The following SPATA13 variants were observed in gnomAD, a reference collection of about 807,000 sequenced individuals.
SPATA13 encodes spermatogenesis associated 13, also known as spermatogenesis-associated protein 13.
Under a neutral mutation model 104.0 loss-of-function variants are expected in SPATA13, and 50 were observed. The observed-to-expected ratio is 0.48, with a 90% CI of 0.38 to 0.61. The LOEUF is 0.61. Among genes scored for constraint, SPATA13 ranks in the 20% least tolerant of loss-of-function variants. SPATA13 has a pLI of 0.00. For missense variants in SPATA13, 1,524 were observed against 1,690.6 expected, an observed-to-expected ratio of 0.90 and a Z score of 1.73; for synonymous variants, 606 against 667.5, an observed-to-expected ratio of 0.91 and a Z score of 1.42.
Position 24,302,618 on chromosome 13 carries a change from G to A in SPATA13, c.3679G>A (p.Ala1227Thr). Residue 1227 changes from alanine to threonine, a missense_variant, in exon 13 of 13, where the codon GCC becomes ACC. By Grantham distance (58) the Ala-to-Thr change is moderately conservative. This residue lies in a region of SPATA13 where 435 missense variants were observed against 554.8 expected (regional missense o/e 0.78). Coordinates refer to ENST00000382108, the MANE Select transcript of SPATA13 (RefSeq NM_001166271.3). ...GTCAGGCTACAACAGGTGCCCTGTG[G>A]CCCCACCGCACCAGGGCCTGCACCC... ...KSKGYNRCPV[A>T]PPHQGLHPIH... is the part of the protein sequence containing the mutation. The A allele has an allele frequency of 6.2e-7, 1 of 1,610,222 alleles. No individual in the cohort carries two copies. Among genetic ancestry groups the A allele is most frequent in the Non-Finnish European group, 8.5e-7 (1 of 1,177,664 alleles).
intron 4 of SPATA13, among the ~76,000 whole-genome samples, chr13:24,266,472 A>T (rs1874301098): frequency 6.6e-6 from 1 of 151,918 alleles, no homozygotes; most frequent in Non-Finnish European, 1.5e-5. Context: ...TTTTGTAGAG[A>T]TGGGGTCTGC....
chr13:24,146,144 C>T (rs1440345967), intron 3 of SPATA13, among the ~76,000 whole-genome samples: 2 of 152,222 alleles, frequency 1.3e-5, no homozygotes, highest in East Asian at 3.8e-4. Context: ...GTATTTTAGG[C>T]AGCACCTATC....
At chr13:24,246,392 T>C (rs1163211354) in intron 2 of SPATA13, among the ~76,000 whole-genome samples, 2 of 152,360 alleles carry the variant, frequency 1.3e-5, no homozygotes, top group East Asian at 3.8e-4. Flanking sequence ...TGTAGTGGTG[T>C]TGGGGAGGAA....
intron 3 of SPATA13, among the ~76,000 whole-genome samples, chr13:24,053,961 G>A (rs1325572699): frequency 6.6e-6 from 1 of 152,190 alleles, no homozygotes; most frequent in Non-Finnish European, 1.5e-5. Context: ...GGCATAGAGA[G>A]TCTGTAAAAA....
chr13:24,288,869 A>C (rs990597574), intron 7 of SPATA13, 130 bp from the exon 8 acceptor site: 1 of 758,160 alleles, frequency 1.3e-6, no homozygotes, highest in Non-Finnish European at 2.0e-6. Context: ...CGATGACCTC[A>C]TCAGAGACTC....
intron 2 of SPATA13, among the ~76,000 whole-genome samples, chr13:24,002,645 G>A (rs769692733): frequency 3.4e-4 from 52 of 152,240 alleles, no homozygotes; most frequent in Non-Finnish European, 6.6e-4. Context: ...AGTTCCTGGA[G>A]TCTCCTTGGA....
At chr13:24,164,654 G>A (rs1441151811) in intron 1 of SPATA13, among the ~76,000 whole-genome samples, 1 of 152,170 alleles carries the variant, frequency 6.6e-6, no homozygotes. Context: ...GGAAGCTGTC[G>A]TGGCCAGAGC....
intron 3 of SPATA13, among the ~76,000 whole-genome samples, chr13:24,072,825 C>CTTTTATTTT (rs1555259342): frequency 8.3e-6 from 1 of 120,672 alleles, no homozygotes; most frequent in African/African-American, 3.1e-5. Context: ...CTGTTGGCTC[C>CTTTTATTTT]TTTTTTTTTT....
intron 3 of SPATA13, among the ~76,000 whole-genome samples, chr13:24,092,089 T>C (rs966790225): frequency 6.6e-6 from 1 of 152,252 alleles, no homozygotes; most frequent in Non-Finnish European, 1.5e-5. Flanking sequence ...ATTTGCAGTA[T>C]TTTGAAAAAC....
chr13:24,297,992 T>C (rs1233506240), intron 11 of SPATA13, among the ~76,000 whole-genome samples: 2 of 152,222 alleles, frequency 1.3e-5, no homozygotes, highest in Non-Finnish European at 2.9e-5. Context: ...TTTATAGAGA[T>C]TGTCTCATTG....
chr13:24,222,229 G>T (rs1871625763), intron 1 of SPATA13, among the ~76,000 whole-genome samples: 1 of 152,272 alleles, frequency 6.6e-6, no homozygotes, highest in South Asian at 2.1e-4. Context: ...TGTCCTTGCT[G>T]AGTCCTTCCC....
intron 2 of SPATA13, among the ~76,000 whole-genome samples, chr13:23,997,739 G>A (rs1276064054): frequency 2.0e-5 from 3 of 152,086 alleles, no homozygotes; most frequent in African/African-American, 7.2e-5. Context: ...GGGAACAAGG[G>A]AGTGAGGGGG....
chr13:24,181,761 C>CTTTT lies in SPATA13; in HGVS notation c.-112+20839_-112+20842dup, dbSNP rs374662974. On this transcript the variant is annotated intron_variant, in intron 1 of 12. Coordinates refer to ENST00000382108, the MANE Select transcript of SPATA13 (RefSeq NM_001166271.3). ...CTGCCTGAGGCTGTTTTACAGTTGA[C>CTTTT]TTTTTTTTTTTTTGTTAAAGTAAGT... 2.4e-3 allele frequency among the ~76,000 whole-genome samples: 341 copies of CTTTT among 144,966 alleles called. 8 individuals carry two copies. The highest frequency in any genetic ancestry group is 2.6e-3 in the Non-Finnish European group (172 of 66,738).
chr13:24,289,259 TTTTG>T, intron 8 of SPATA13, 81 bp downstream of exon 8: 2 of 1,180,784 alleles, frequency 1.7e-6, no homozygotes, highest in Admixed American at 2.6e-5. Flanking sequence ...CAGGAGTCTC[TTTTG>T]TTTTATTGTT....
At chr13:24,265,436 G>T (rs17080572) in intron 4 of SPATA13, among the ~76,000 whole-genome samples, 7,552 of 152,308 alleles carry the variant, frequency 0.05, 310 homozygotes, top group East Asian at 0.23. Flanking sequence ...CGATGATTTA[G>T]GGGAATGGAC....
rs1014729363 is a variant in SPATA13, at chr13:24,286,465, G to A, written c.2481+72G>A. On this transcript the variant is annotated intron_variant, in intron 6 of 12. Transcript: ENST00000382108. This position sits in a 1 kb window ranked among gnomAD's most constrained non-coding sequence, Gnocchi z 4.9. Reference sequence around the variant, plus strand: ...GCAGGATCCTTTCAGGTCAGAACTCGCCTTTTATCAGGTCAGCTCTTTTGT... The same window carrying A: ...GCAGGATCCTTTCAGGTCAGAACTCACCTTTTATCAGGTCAGCTCTTTTGT... 21 of 1,464,530 alleles carry A rather than the reference G, an allele frequency of 1.4e-5. No homozygotes were observed. Among genetic ancestry groups the A allele is most frequent in the Admixed American group, 4.5e-5 (2 of 44,430 alleles). The allele number at this position is 1,464,530 out of a possible 1,614,324, so 90.7% of individuals were successfully genotyped here.
intron 4 of SPATA13, among the ~76,000 whole-genome samples, chr13:24,271,787 C>G (rs1334838212): frequency 1.3e-5 from 2 of 152,138 alleles, no homozygotes; most frequent in Non-Finnish European, 2.9e-5. Context: ...GATGGCAGCT[C>G]GAGGCAGCCT....
At chr13:24,192,270 C>T (rs1869804107) in intron 1 of SPATA13, among the ~76,000 whole-genome samples, 1 of 152,210 alleles carries the variant, frequency 6.6e-6, no homozygotes, top group Non-Finnish European at 1.5e-5. Context: ...ATTTGGCTAT[C>T]TCAAAAGCAC....
chr13:24,198,361 C>T (rs1177735515), intron 1 of SPATA13, among the ~76,000 whole-genome samples: 1 of 152,158 alleles, frequency 6.6e-6, no homozygotes, highest in East Asian at 1.9e-4. Context: ...CACTCCTGTA[C>T]AAACAGAATC....
Sources: allele counts gnomAD v4.1 joint callset (sites outside exome capture counted in the v4.1 genomes callset), GRCh38; gene constraint gnomAD v4.1.1; regional missense constraint gnomAD v4.1.1; non-coding constraint Gnocchi (gnomAD v3.1); transcripts MANE v1.5; gene names NCBI Gene and HGNC (gene_info 2026-07-23, HGNC 2026-07-21).